Variants in PCDHGB4 observed in about 807,000 individuals in gnomAD.
The protein encoded by PCDHGB4 is protocadherin gamma-B4.
Under a neutral mutation model 60.5 loss-of-function variants are expected in PCDHGB4, and 38 were observed. The ratio of observed to expected loss-of-function variants is 0.63; its 90% confidence interval spans 0.48 to 0.82. The LOEUF (loss-of-function observed/expected upper bound fraction) is 0.82. PCDHGB4 is among the 40% of genes least tolerant of loss of function. PCDHGB4 has a pLI of 0.00. For synonymous variants in PCDHGB4, 456 were observed against 509.7 expected (o/e 0.89, Z 1.42); for missense variants, 1,109 against 1,209.6 (o/e 0.92, Z 1.23).
intron 1 of PCDHGB4, 151 bp downstream of exon 1, chr5:141,390,432 C>T: frequency 2.0e-6 from 2 of 985,350 alleles, no homozygotes; most frequent in South Asian, 3.4e-5. Context: ...GCTGTCATAT[C>T]ATTCTACAAA....
intron 1 of PCDHGB4, chr5:141,405,207 C>A (rs767001796): frequency 6.2e-7 from 1 of 1,613,292 alleles, no homozygotes; most frequent in Non-Finnish European, 8.5e-7. Flanking sequence ...TTCCTACAGA[C>A]CTATTCTCAG....
In PCDHGB4 at chr5:141,476,288, C is replaced by A. The variant is rs1446743849; in HGVS notation, c.2398-18519C>A. 3.1e-6 allele frequency: 5 copies of A among 1,613,980 alleles called. No homozygotes were observed. The highest frequency in any genetic ancestry group is 3.4e-6 in the Non-Finnish European group (4 of 1,180,026). ...CGTGGTCGCGAACCTTGGTTTGGAT[C>A]TCGGTAGCCTCTCAGCCCGCAGGTT... On this transcript the variant is annotated intron_variant, in intron 1 of 3. Coordinates refer to ENST00000519479, the MANE Select transcript of PCDHGB4 (RefSeq NM_003736.4). This position sits in a 1 kb window ranked among gnomAD's most constrained non-coding sequence, Gnocchi z 7.6.
At position 141,389,463 on chromosome 5, in the gene PCDHGB4, GA is replaced by G; in HGVS notation, c.1581del (p.Glu527AspfsTer18). 6.2e-7 allele frequency: 1 copy of G among 1,613,310 alleles called. No homozygotes were observed. The highest frequency in any genetic ancestry group is 8.5e-7 in the Non-Finnish European group (1 of 1,179,872). ...AFDHEQLRAF[E>X]LTLQARDQGS... The stretch of plus-strand genomic sequence containing the variant: ...CGACCACGAGCAGCTGCGCGCCTTC[GA>G]ACTCACACTGCAGGCCCGCGACCAG... On this transcript the variant is annotated frameshift_variant, in exon 1 of 4. Transcript: ENST00000519479. LOFTEE classifies it high-confidence loss of function.
intron 1 of PCDHGB4, chr5:141,426,591 A>G: frequency 1.4e-5 from 5 of 369,676 alleles, no homozygotes; most frequent in South Asian, 7.9e-5. Context: ...CCTCTGTGTC[A>G]TACCCTTAGA....
intron 1 of PCDHGB4, chr5:141,393,628 G>A: frequency 6.2e-7 from 1 of 1,613,922 alleles, no homozygotes; most frequent in African/African-American, 1.3e-5. Context: ...CCGGATGAGG[G>A]AATCAACGGA....
In PCDHGB4 at chr5:141,403,920, A is replaced by T. The variant is rs1470961343; in HGVS notation, c.2397+13639A>T. 8.1e-6 allele frequency: 13 copies of T among 1,613,904 alleles called. No homozygotes were observed. Among genetic ancestry groups the T allele is most frequent in the Non-Finnish European group, 1.1e-5 (13 of 1,179,882 alleles). On this transcript the variant is annotated intron_variant, in intron 1 of 3. Transcript: ENST00000519479. ...TATGAAATGGAAATACAAGCTGAAG[A>T]TGGTGGGGGATTGAAAGGGTGGACA...
In PCDHGB4 at chr5:141,477,532, C is replaced by T. The variant is rs754570150; in HGVS notation, c.2398-17275C>T. On this transcript the variant is annotated intron_variant, in intron 1 of 3. Transcript: ENST00000519479. This position sits in a 1 kb window ranked among gnomAD's most constrained non-coding sequence, Gnocchi z 4.9. ...TTTACATTGAAGAAAACAACCTCCC[C>T]GGGGCTCCAATACTAAACCTAAGTG... 2.5e-6 allele frequency: 4 copies of T among 1,614,028 alleles called. No individual in the cohort carries two copies. Among genetic ancestry groups the T allele is most frequent in the Admixed American group, 1.7e-5 (1 of 60,000 alleles).
intron 1 of PCDHGB4, chr5:141,419,434 G>A (rs372006900): frequency 2.5e-5 from 41 of 1,613,112 alleles, no homozygotes; most frequent in Non-Finnish European, 3.3e-5. Flanking sequence ...ACGAGCAGCT[G>A]CGCACCTTCG....
intron 1 of PCDHGB4, chr5:141,418,643 C>A (rs188546091): frequency 2.9e-5 from 46 of 1,614,022 alleles, no homozygotes; most frequent in Admixed American, 6.7e-5. Context: ...CACCTCCATC[C>A]TGAGAGTGAA....
intron 3 of PCDHGB4, chr5:141,508,363 A>G (rs996562348): frequency 1.3e-5 from 2 of 152,230 alleles, no homozygotes; most frequent in Non-Finnish European, 2.9e-5. Flanking sequence ...TGGCAATCCA[A>G]CTTCTTCCCC....
intron 1 of PCDHGB4, among the ~76,000 whole-genome samples, chr5:141,436,243 TA>T (rs1428637183): frequency 6.6e-6 from 1 of 152,154 alleles, no homozygotes; most frequent in Non-Finnish European, 1.5e-5. Context: ...TAACATGGTC[TA>T]ATTATTCTGA....
At chr5:141,406,072 CTTT>C (rs530474569) in intron 1 of PCDHGB4, among the ~76,000 whole-genome samples, 2 of 141,478 alleles carry the variant, frequency 1.4e-5, no homozygotes. Context: ...ATTCTTACTC[CTTT>C]TTTTTTTTTT....
At chr5:141,421,564 G>T (rs2096583836) in intron 1 of PCDHGB4, 2 of 1,613,864 alleles carry the variant, frequency 1.2e-6, no homozygotes, top group Admixed American at 3.3e-5. Flanking sequence ...TCTCGTGGAA[G>T]ACACCTTGAA....
In PCDHGB4 at chr5:141,389,907, G is replaced by T. The variant is rs779604388; in HGVS notation, c.2023G>T (p.Asp675Tyr). 6.2e-7 allele frequency: 1 copy of T among 1,614,082 alleles called. No homozygotes were observed. Among genetic ancestry groups the T allele is most frequent in the Non-Finnish European group, 8.5e-7 (1 of 1,179,906 alleles). ...SLQEVLPDITDRPDPSDLQAE... is the reference protein window; with the variant it reads ...SLQEVLPDITYRPDPSDLQAE... Reference sequence around the variant, plus strand: ...GCAGGAGGTGCTGCCGGATATCACTGACCGCCCCGACCCCTCTGACCTCCA... The same window carrying T: ...GCAGGAGGTGCTGCCGGATATCACTTACCGCCCCGACCCCTCTGACCTCCA... Residue 675 changes from aspartate to tyrosine, a missense_variant, in exon 1 of 4, where the codon GAC becomes TAC. Asp to Tyr is a radical substitution (Grantham distance 160). Around this residue, in one of 2 missense-constraint regions of PCDHGB4, gnomAD observed 1,068 missense variants for 1,089.9 expected, o/e 0.98. Coordinates refer to ENST00000519479, the MANE Select transcript of PCDHGB4 (RefSeq NM_003736.4).
intron 2 of PCDHGB4, among the ~76,000 whole-genome samples, chr5:141,496,419 C>T (rs1292183963): frequency 6.6e-6 from 1 of 152,174 alleles, no homozygotes; most frequent in Non-Finnish European, 1.5e-5. Flanking sequence ...TACTTGCTGT[C>T]CACATTTGCC....
rs2233602 is a variant in PCDHGB4, at chr5:141,490,032, C to T, written c.2398-4775C>T. 47,990 of 1,614,182 alleles carry T rather than the reference C, an allele frequency of 0.03. 1,413 individuals are homozygous for T. Among genetic ancestry groups the T allele is most frequent in the African/African-American group, 0.15 (11,444 of 75,040 alleles). On this transcript the variant is annotated intron_variant, in intron 1 of 3. Coordinates refer to ENST00000519479, the MANE Select transcript of PCDHGB4 (RefSeq NM_003736.4). The surrounding 1 kb of genome is among the most constrained non-coding windows in gnomAD (Gnocchi z 5.4). ...CCATTGGTACTCTGCTGCTCCGCCT[C>T]AATGCCACTGATCCAGACGAGGGCA...
chr5:141,502,955 T>C (rs2099817293), intron 2 of PCDHGB4, among the ~76,000 whole-genome samples: 1 of 149,868 alleles, frequency 6.7e-6, no homozygotes, highest in Non-Finnish European at 1.5e-5. Context: ...GCGATTCTCC[T>C]GCCTCAGCCT....
intron 2 of PCDHGB4, among the ~76,000 whole-genome samples, chr5:141,500,333 A>G (rs1237684682): frequency 6.6e-6 from 1 of 151,336 alleles, no homozygotes; most frequent in Non-Finnish European, 1.5e-5. Context: ...CTCAGCCTCC[A>G]GAATAGCTGG....
chr5:141,401,017 T>C (rs2094103677), intron 1 of PCDHGB4, among the ~76,000 whole-genome samples: 3 of 152,226 alleles, frequency 2.0e-5, no homozygotes, highest in Admixed American at 2.0e-4. Context: ...AATGGATTTA[T>C]GATTTTTTGA....
Sources: allele counts gnomAD v4.1 joint callset (sites outside exome capture counted in the v4.1 genomes callset), GRCh38; gene constraint gnomAD v4.1.1; regional missense constraint gnomAD v4.1.1; non-coding constraint Gnocchi (gnomAD v3.1); transcripts MANE v1.5; gene names NCBI Gene and HGNC (gene_info 2026-07-23, HGNC 2026-07-21).